Variants in PI15 observed in about 807,000 individuals in gnomAD.
The protein encoded by PI15 is peptidase inhibitor 15.
A neutral mutation model predicts 31.0 loss-of-function variants in PI15; 18 were observed. The ratio of observed to expected loss-of-function variants is 0.58; its 90% CI spans 0.40 to 0.86. PI15 has a LOEUF of 0.86. PI15 is among the 40% of genes least tolerant of loss of function. The pLI, the probability that PI15 is intolerant of heterozygous loss-of-function variation, is 0.00. For synonymous variants in PI15, 118 were observed against 119.1 expected (o/e 0.99, Z 0.06); for missense variants, 282 against 328.1 (o/e 0.86, Z 1.09).
At chr8:74,844,991 G>C in intron 3 of PI15, 137 bp from the exon 4 acceptor site, 1 of 718,024 alleles carries the variant, frequency 1.4e-6, no homozygotes, top group Non-Finnish European at 2.4e-6. Context: ...AGGTGGTGAT[G>C]GTGATTGTGA....
intron 2 of PI15, among the ~76,000 whole-genome samples, chr8:74,843,510 T>A (rs1462638029): frequency 6.6e-6 from 1 of 152,134 alleles, no homozygotes; most frequent in East Asian, 1.9e-4. Context: ...GGTGGATCAC[T>A]TGAGGTCAGG....
chr8:74,825,601 C>A, intron 2 of PI15, 79 bp downstream of exon 2: 1 of 1,180,482 alleles, frequency 8.5e-7, no homozygotes, highest in Admixed American at 2.2e-5. Flanking sequence ...TCTCAAACGA[C>A]CACGAGTGTT....
chr8:74,831,831 T>TAGGA (rs943011519), intron 2 of PI15, among the ~76,000 whole-genome samples: 10 of 152,038 alleles, frequency 6.6e-5, no homozygotes, highest in African/African-American at 2.4e-4. Flanking sequence ...GTAGTGGGTA[T>TAGGA]AGGAGGATGT....
At chr8:74,846,825 A>C (rs1161534902) in intron 5 of PI15, among the ~76,000 whole-genome samples, 1 of 152,042 alleles carries the variant, frequency 6.6e-6, no homozygotes, top group African/African-American at 2.4e-5. Context: ...GGAGGAATGG[A>C]AGGAGGGAAA....
At chr8:74,826,979 T>G (rs1163583458) in intron 2 of PI15, among the ~76,000 whole-genome samples, 1 of 152,110 alleles carries the variant, frequency 6.6e-6, no homozygotes, top group Non-Finnish European at 1.5e-5. Flanking sequence ...TGTAAATATG[T>G]AAAAATTAGA....
Position 74,854,081 on chromosome 8 carries a change from T to A in PI15, c.*4828T>A, listed in dbSNP as rs1362406999. The A allele has an allele frequency of 6.6e-6, 1 of 152,032 alleles. No individual in the cohort carries two copies. The highest frequency in any genetic ancestry group is 1.5e-5 in the Non-Finnish European group (1 of 67,926). The allele number at this position is 152,032 out of a possible 1,614,324, so 9.4% of individuals were successfully genotyped here. Reference sequence around the variant, plus strand: ...CCTATCATTTGTTAGTGTTATTTGGTCATATTATTGAACTAATGTATTATT... The same window carrying A: ...CCTATCATTTGTTAGTGTTATTTGGACATATTATTGAACTAATGTATTATT... On this transcript the variant is annotated 3_prime_UTR_variant, in exon 6 of 6. Coordinates refer to ENST00000260113, the MANE Select transcript of PI15 (RefSeq NM_015886.5).
At chr8:74,846,368 T>G (rs1811027003) in intron 5 of PI15, among the ~76,000 whole-genome samples, 3 of 152,218 alleles carry the variant, frequency 2.0e-5, no homozygotes, top group Admixed American at 6.5e-5. Flanking sequence ...ATGGGAAGAT[T>G]TGGAAAGTAG....
intron 2 of PI15, among the ~76,000 whole-genome samples, chr8:74,835,151 A>T (rs1810844411): frequency 6.6e-6 from 1 of 152,136 alleles, no homozygotes; most frequent in Non-Finnish European, 1.5e-5. Context: ...TGAGCTCCAG[A>T]TATTCACAAC....
intron 2 of PI15, among the ~76,000 whole-genome samples, chr8:74,835,672 G>T (rs896230455): frequency 6.6e-6 from 1 of 152,114 alleles, no homozygotes; most frequent in Admixed American, 6.5e-5. Context: ...CCACAACAGG[G>T]AATGAACCTT....
At chr8:74,847,342 G>A (rs1262013405) in intron 5 of PI15, among the ~76,000 whole-genome samples, 4 of 152,024 alleles carry the variant, frequency 2.6e-5, no homozygotes, top group Non-Finnish European at 5.9e-5. Flanking sequence ...CTACTCAGGA[G>A]GCTGAGGCAA....
intron 2 of PI15, among the ~76,000 whole-genome samples, chr8:74,839,851 C>G (rs531435830): frequency 0.015 from 2,243 of 152,234 alleles, 55 homozygotes; most frequent in African/African-American, 0.051. Context: ...ATGCTACAAA[C>G]ACTCAGAGAA....
At chr8:74,845,643 G>A in intron 5 of PI15, 146 bp downstream of exon 5, 1 of 605,916 alleles carries the variant, frequency 1.7e-6, no homozygotes, top group South Asian at 2.1e-5. Flanking sequence ...CAATATTTCT[G>A]AAAAAAGATT....
intron 2 of PI15, among the ~76,000 whole-genome samples, chr8:74,842,043 C>G (rs1586956792): frequency 1.3e-5 from 2 of 151,862 alleles, no homozygotes; most frequent in East Asian, 3.9e-4. Context: ...TTTAAAGTCA[C>G]TAAATTAGTT....
At chr8:74,840,630 T>C (rs186182131) in intron 2 of PI15, among the ~76,000 whole-genome samples, 3 of 152,300 alleles carry the variant, frequency 2.0e-5, no homozygotes, top group African/African-American at 7.2e-5. Context: ...CTTGAGTAGA[T>C]GCAAGTTCTG....
chr8:74,829,850 A>G (rs1348452855), intron 2 of PI15, among the ~76,000 whole-genome samples: 1 of 152,128 alleles, frequency 6.6e-6, no homozygotes, highest in African/African-American at 2.4e-5. Flanking sequence ...AGGAAGGGTC[A>G]AGGTTGGCTG....
intron 1 of PI15, chr8:74,824,973 G>A (rs1163711783): frequency 7.4e-6 from 3 of 406,716 alleles, no homozygotes; most frequent in Non-Finnish European, 1.3e-5. Context: ...TAGGGTTAGT[G>A]GTCATGCTGT....
In PI15 at chr8:74,845,230, T is replaced by C; in HGVS notation, c.495T>C (p.Cys165=). ...QDCNPRCPMR[C]FGPMCTHYTQ... ...GCAACCCCAGATGTCCTATGAGATG[T>C]TTTGGTCCCATGTGCACACATTATA... Residue 165 remains cysteine (C), a synonymous_variant, in exon 4 of 6, where the codon TGT becomes TGC. Transcript: ENST00000260113. 6.2e-7 allele frequency: 1 copy of C among 1,613,560 alleles called. No individual in the cohort carries two copies. Among genetic ancestry groups the C allele is most frequent in the East Asian group, 2.2e-5 (1 of 44,884 alleles).
chr8:74,846,972 G>A (rs1811035601), intron 5 of PI15, among the ~76,000 whole-genome samples: 1 of 151,992 alleles, frequency 6.6e-6, no homozygotes, highest in Admixed American at 6.6e-5. Flanking sequence ...TAAAATCTGA[G>A]ATTTATGTAA....
At chr8:74,832,336 G>A (rs895282807) in intron 2 of PI15, among the ~76,000 whole-genome samples, 2 of 152,084 alleles carry the variant, frequency 1.3e-5, no homozygotes, top group Admixed American at 6.6e-5. Context: ...ACCTCTGGAG[G>A]TTGAAAAAAG....
Sources: gnomAD v4.1 joint callset for allele counts (sites outside exome capture counted in the v4.1 genomes callset) on GRCh38, gnomAD v4.1.1 for gene constraint, MANE v1.5 for transcripts, NCBI Gene and HGNC (gene_info 2026-07-23, HGNC 2026-07-21) for gene names.